Variants in FNBP1 observed in about 807,000 individuals in gnomAD.
FNBP1 encodes formin binding protein 1.
A neutral mutation model predicts 90.6 loss-of-function variants in FNBP1; 26 were observed. The ratio of observed to expected loss-of-function variants is 0.29; its 90% CI spans 0.21 to 0.40. The LOEUF (loss-of-function observed/expected upper bound fraction) is 0.40. FNBP1 is among the 10% of genes least tolerant of loss of function. The pLI is 1.00. For synonymous variants in FNBP1, 260 were observed against 265.2 expected (o/e 0.98, Z 0.19); for missense variants, 635 against 768.0 (o/e 0.83, Z 2.05).
At chr9:129,955,835 G>GCACACA (rs57433578) in intron 6 of FNBP1, among the ~76,000 whole-genome samples, 6 of 140,714 alleles carry the variant, frequency 4.3e-5, no homozygotes, top group East Asian at 2.0e-4. Flanking sequence ...CTTTTAGCGC[G>GCACACA]CACACACACA....
At chr9:130,034,303 A>C (rs1589400657) in intron 1 of FNBP1, among the ~76,000 whole-genome samples, 1 of 113,804 alleles carries the variant, frequency 8.8e-6, no homozygotes, top group Admixed American at 1.0e-4. Flanking sequence ...ACAGAGCAAG[A>C]CTCCATCTCA....
chr9:130,011,243 A>AAAATAT (rs1554854971), intron 1 of FNBP1, among the ~76,000 whole-genome samples: 2 of 42,248 alleles, frequency 4.7e-5, no homozygotes, highest in Non-Finnish European at 8.5e-5. Flanking sequence ...AAAAAAAAAA[A>AAAATAT]ATATATATAT....
intron 1 of FNBP1, among the ~76,000 whole-genome samples, chr9:129,996,015 G>A (rs369753602): frequency 4.8e-4 from 73 of 152,306 alleles, no homozygotes; most frequent in African/African-American, 1.4e-3. Flanking sequence ...GTGAGTGGCC[G>A]GTTGGACGTG....
chr9:130,002,146 G>A (rs549726838), intron 1 of FNBP1, among the ~76,000 whole-genome samples: 2 of 151,782 alleles, frequency 1.3e-5, no homozygotes, highest in Non-Finnish European at 2.9e-5. Context: ...CCGAGATCGC[G>A]CCATTGCACT....
chr9:129,955,503 T>C (rs1238681632), intron 6 of FNBP1, among the ~76,000 whole-genome samples: 1 of 150,030 alleles, frequency 6.7e-6, no homozygotes, highest in Non-Finnish European at 1.5e-5. Flanking sequence ...CCCAAAGTGC[T>C]GGGATTATAG....
At chr9:129,959,157 C>T (rs1228815417) in intron 4 of FNBP1, among the ~76,000 whole-genome samples, 1 of 151,546 alleles carries the variant, frequency 6.6e-6, no homozygotes, top group Non-Finnish European at 1.5e-5. Flanking sequence ...ACAGGCCAGG[C>T]ATGGTGGTGA....
chr9:129,910,504 A>AAAC (rs1298095363), intron 11 of FNBP1, among the ~76,000 whole-genome samples: 1 of 104,058 alleles, frequency 9.6e-6, no homozygotes, highest in African/African-American at 3.5e-5. Context: ...AAAAAAAAAA[A>AAAC]AGAGAGAGAG....
intron 1 of FNBP1, among the ~76,000 whole-genome samples, chr9:130,037,911 C>G (rs1468932055): frequency 6.6e-6 from 1 of 152,146 alleles, no homozygotes; most frequent in Non-Finnish European, 1.5e-5. Context: ...AACTCCTACA[C>G]AGAGTCAGGC....
chr9:129,964,696 A>G (rs1437617850), intron 4 of FNBP1, among the ~76,000 whole-genome samples: 1 of 152,136 alleles, frequency 6.6e-6, no homozygotes, highest in African/African-American at 2.4e-5. Context: ...CTGAACTGCA[A>G]GAAATCACAG....
intron 4 of FNBP1, among the ~76,000 whole-genome samples, chr9:129,960,886 A>G (rs1471057683): frequency 1.3e-5 from 2 of 152,052 alleles, no homozygotes; most frequent in African/African-American, 2.4e-5. Flanking sequence ...TGCAATAATG[A>G]GCTGCCCAGG....
chr9:129,965,237 G>T (rs186231887), intron 4 of FNBP1, among the ~76,000 whole-genome samples: 1 of 152,164 alleles, frequency 6.6e-6, no homozygotes, highest in Non-Finnish European at 1.5e-5. Context: ...AACCAGAAAC[G>T]TTCACTAAGG....
At chr9:129,932,338 T>C (rs2042895420) in intron 6 of FNBP1, among the ~76,000 whole-genome samples, 1 of 152,008 alleles carries the variant, frequency 6.6e-6, no homozygotes, top group Non-Finnish European at 1.5e-5. Flanking sequence ...GCTGAAGTAT[T>C]TGTTCCACTT....
chr9:129,965,313 T>G (rs575919642), intron 4 of FNBP1, among the ~76,000 whole-genome samples: 2 of 152,340 alleles, frequency 1.3e-5, no homozygotes, highest in African/African-American at 4.8e-5. Flanking sequence ...AAAAATACCT[T>G]CTTAATGAAC....
At chr9:129,980,492 T>A (rs897628943) in intron 2 of FNBP1, among the ~76,000 whole-genome samples, 1 of 152,038 alleles carries the variant, frequency 6.6e-6, no homozygotes, top group Non-Finnish European at 1.5e-5. Context: ...TTTGGGGGTG[T>A]TGATGCTAAG....
In FNBP1 at chr9:130,042,918, C is replaced by G. The variant is rs111358487; in HGVS notation, c.24+34G>C. The stretch of plus-strand genomic sequence containing the variant: ...GCCGCGGGGAAACGCAGCGCGCGCC[C>G]CGCATCTGCCCGCGGGCCCAGCCCC... On this transcript the variant is annotated intron_variant, in intron 1 of 16. Coordinates refer to ENST00000446176, the MANE Select transcript of FNBP1 (RefSeq NM_015033.3). This position sits in a 1 kb window ranked among gnomAD's most constrained non-coding sequence, Gnocchi z 5.5. 1.6e-6 allele frequency: 2 copies of G among 1,225,434 alleles called. No homozygotes were observed. The highest frequency in any genetic ancestry group is 2.0e-6 in the Non-Finnish European group (2 of 981,218). The allele number at this position is 1,225,434 out of a possible 1,614,324, so 75.9% of individuals were successfully genotyped here.
At chr9:129,973,388 G>C (rs1416784667) in intron 4 of FNBP1, among the ~76,000 whole-genome samples, 1 of 152,162 alleles carries the variant, frequency 6.6e-6, no homozygotes, top group African/African-American at 2.4e-5. Flanking sequence ...ATAAAATAGT[G>C]TTTACTAAGT....
chr9:129,977,152 C>A, intron 4 of FNBP1, among the ~76,000 whole-genome samples: 2 of 150,676 alleles, frequency 1.3e-5, no homozygotes, highest in African/African-American at 2.4e-5. Context: ...GGGTGAAACT[C>A]CGTCTCAAAA....
At chr9:129,927,087 A>C in intron 8 of FNBP1, 108 bp downstream of exon 8, 1 of 1,149,268 alleles carries the variant, frequency 8.7e-7, no homozygotes, top group Non-Finnish European at 1.3e-6. Context: ...GACCACCAAA[A>C]GCAACCATCC....
chr9:130,013,052 C>G (rs533880698), intron 1 of FNBP1, among the ~76,000 whole-genome samples: 1 of 152,234 alleles, frequency 6.6e-6, no homozygotes, highest in South Asian at 2.1e-4. Flanking sequence ...GGAAAGTGAA[C>G]ATAAAAAATA....
Sources: gnomAD v4.1 joint callset for allele counts (sites outside exome capture counted in the v4.1 genomes callset) on GRCh38, gnomAD v4.1.1 for gene constraint, Gnocchi (gnomAD v3.1) non-coding constraint, MANE v1.5 for transcripts, NCBI Gene and HGNC (gene_info 2026-07-23, HGNC 2026-07-21) for gene names.